Variants in DIDO1 observed in about 807,000 individuals in gnomAD.
The protein encoded by DIDO1 is death inducer-obliterator 1, also known as death-inducer obliterator 1.
Under a neutral mutation model 99.4 loss-of-function variants are expected in DIDO1, and 16 were observed. That is an observed-to-expected ratio of 0.16 (90% confidence interval 0.11 to 0.24). The LOEUF is 0.24. Among genes scored for constraint, DIDO1 ranks in the 10% least tolerant of loss-of-function variants. DIDO1 has a pLI of 1.00. For missense variants in DIDO1, 2,996 were observed against 3,014.0 expected (o/e 0.99, Z 0.14); for synonymous variants, 1,366 against 1,239.1 (o/e 1.10, Z -2.15).
chr20:62,919,774 T>C (rs1327324481), intron 1 of DIDO1, among the ~76,000 whole-genome samples: 1 of 152,230 alleles, frequency 6.6e-6, no homozygotes, highest in East Asian at 1.9e-4. Flanking sequence ...CATGTGAGCT[T>C]GCAACAATCC....
chr20:62,895,582 T>C (rs2064501178), intron 8 of DIDO1, among the ~76,000 whole-genome samples: 1 of 152,226 alleles, frequency 6.6e-6, no homozygotes, highest in South Asian at 2.1e-4. Context: ...GGCTGTTCAA[T>C]GGTGAGATGC....
chr20:62,894,758 T>C lies in DIDO1; in HGVS notation c.2436+52A>G. 3 of 1,559,914 alleles carry C rather than the reference T, an allele frequency of 1.9e-6. No homozygotes were observed. Among genetic ancestry groups the C allele is most frequent in the Non-Finnish European group, 2.6e-6 (3 of 1,146,514 alleles). On this transcript the variant is annotated intron_variant, in intron 10 of 15. Transcript: ENST00000395343. This position sits in a 1 kb window ranked among gnomAD's most constrained non-coding sequence, Gnocchi z 4.4. ...ATAATTTAAGATAACCTCAAAACAT[T>C]TGGGATGGATTAGTCTATTCTCGGT...
rs987751590 is a variant in DIDO1 at position 62,894,329 on chromosome 20, G to A, written c.2572+84C>T. 14 of 1,586,108 alleles carry A rather than the reference G, an allele frequency of 8.8e-6. No homozygotes were observed. In the South Asian group the frequency reaches 1.0e-4, roughly 11 times the overall value. ...CTTCTGCGTGTTTAAGCTTACGTGC[G>A]GTTGCTTTTAGGAGGTTCAGTGATT... On this transcript the variant is annotated intron_variant, in intron 11 of 15. Coordinates refer to ENST00000395343, the MANE Select transcript of DIDO1 (RefSeq NM_001193369.2). This position sits in a 1 kb window ranked among gnomAD's most constrained non-coding sequence, Gnocchi z 4.4.
chr20:62,922,243 T>TATATAC (rs2065168639), intron 1 of DIDO1, among the ~76,000 whole-genome samples: 2 of 114,300 alleles, frequency 1.7e-5, no homozygotes, highest in African/African-American at 6.1e-5. Flanking sequence ...TATATATATA[T>TATATAC]ACACACACAC....
intron 1 of DIDO1, among the ~76,000 whole-genome samples, chr20:62,923,185 A>T (rs527981573): frequency 3.5e-4 from 52 of 149,080 alleles, no homozygotes; most frequent in South Asian, 4.3e-4. Context: ...AATTATTATT[A>T]TTTTTTTTTT....
rs370962513 is a variant in DIDO1, at chr20:62,896,488, C to T, written c.2054+43G>A. 1.5e-4 allele frequency: 232 copies of T among 1,580,474 alleles called. No homozygotes were observed. The highest frequency in any genetic ancestry group is 1.8e-4 in the Non-Finnish European group (213 of 1,166,166). ...TCCTGCAGCCACACTCTAATGAAAG[C>T]CCTTCCATTTTAATGGGTAAGAAAT... is the stretch of plus-strand genomic sequence containing the variant. On this transcript the variant is annotated intron_variant, in intron 7 of 15. Coordinates refer to ENST00000395343, the MANE Select transcript of DIDO1 (RefSeq NM_001193369.2). This position sits in a 1 kb window ranked among gnomAD's most constrained non-coding sequence, Gnocchi z 4.4.
rs778673292 is a variant in DIDO1 at position 62,911,191 on chromosome 20, T to C, written c.422A>G (p.Lys141Arg). 1 of 1,613,928 alleles carries C rather than the reference T, an allele frequency of 6.2e-7. No individual in the cohort carries two copies. The highest frequency in any genetic ancestry group is 2.2e-5 in the East Asian group (1 of 44,880). The change falls in exon 3 of 16, where the codon AAG (lysine) becomes AGG (arginine). Residue 141 changes from lysine (K) to arginine (R), a missense_variant. Physicochemically the swap from Lys to Arg is conservative, Grantham distance 26. Transcript: ENST00000395343. This position sits in a 1 kb window ranked among gnomAD's most constrained non-coding sequence, Gnocchi z 7.0. ...ATCGTGGTCATCCCCTCCTTTCACCTTTTCAGAAGAGGCTGGTCGTTCCTT... is the reference window on the plus strand; with the variant it reads ...ATCGTGGTCATCCCCTCCTTTCACCCTTTCAGAAGAGGCTGGTCGTTCCTT... ...AVKERPASSE[K>R]VKGGDDHDDT...
In DIDO1 at chr20:62,911,571, C is replaced by T. The variant is rs370768075; in HGVS notation, c.42G>A (p.Lys14=). Residue 14 remains lysine (K), a synonymous_variant, in exon 3 of 16, where the codon AAG becomes AAA. Coordinates refer to ENST00000395343, the MANE Select transcript of DIDO1 (RefSeq NM_001193369.2). This position sits in a 1 kb window ranked among gnomAD's most constrained non-coding sequence, Gnocchi z 7.0. The part of the protein sequence containing the change: ...KGDPSNEEAP[K]AIKPTSKEFR... ...ACTCTTTGCTGGTGGGTTTGATGGC[C>T]TTAGGTGCCTCCTCATTGCTCGGGT... 2 of 1,605,104 alleles carry T rather than the reference C, an allele frequency of 1.2e-6. No individual in the cohort carries two copies. The highest frequency in any genetic ancestry group is 1.7e-6 in the Non-Finnish European group (2 of 1,175,274).
At chr20:62,920,882 T>C (rs1009986479) in intron 1 of DIDO1, among the ~76,000 whole-genome samples, 4 of 152,226 alleles carry the variant, frequency 2.6e-5, no homozygotes, top group African/African-American at 9.6e-5. Context: ...TATGTTAATA[T>C]ATAATGGTTT....
chr20:62,917,894 C>T (rs2065067777), intron 1 of DIDO1, among the ~76,000 whole-genome samples: 1 of 152,194 alleles, frequency 6.6e-6, no homozygotes. Flanking sequence ...GTCATCTTTA[C>T]CTCTTAGCCC....
In DIDO1 at chr20:62,884,823, C is replaced by A. The variant is rs540128229; in HGVS notation, c.3542-2409G>T. Among the ~76,000 whole-genome samples the A allele has an allele frequency of 1.1e-3, 169 of 152,254 alleles. 1 individual carries two copies. Among genetic ancestry groups the A allele is most frequent in the Non-Finnish European group, 2.0e-3 (135 of 68,022 alleles). On this transcript the variant is annotated intron_variant, in intron 15 of 15. Coordinates refer to ENST00000395343, the MANE Select transcript of DIDO1 (RefSeq NM_001193369.2). The stretch of plus-strand genomic sequence containing the variant: ...CCTCCACCTCCTCTTCACTCTCTGT[C>A]CCCCGGATAGTAGCACGGTGCCAGT...
At position 62,911,524 on chromosome 20, in the gene DIDO1, C is replaced by T. The variant is rs758688330; in HGVS notation, c.89G>A (p.Arg30Gln). 5 of 1,612,590 alleles carry T rather than the reference C, an allele frequency of 3.1e-6. No individual in the cohort carries two copies. The highest frequency in any genetic ancestry group is 2.5e-6 in the Non-Finnish European group (3 of 1,179,330). The change falls in exon 3 of 16, where the codon CGA becomes CAA. Residue 30 changes from arginine (R) to glutamine (Q), a missense_variant. This residue lies in a region of DIDO1 where 388 missense variants were observed against 376.6 expected (regional missense o/e 1.03). Transcript: ENST00000395343. This position sits in a 1 kb window ranked among gnomAD's most constrained non-coding sequence, Gnocchi z 7.0. Reference sequence around the variant, plus strand: ...CTCTCGCTTGGCGATAGTGGTCCTTCGAAAACCCCATGTTTTCCTGAACTC... The same window carrying T: ...CTCTCGCTTGGCGATAGTGGTCCTTTGAAAACCCCATGTTTTCCTGAACTC... ...SKEFRKTWGF[R>Q]RTTIAKREGA...
intron 1 of DIDO1, among the ~76,000 whole-genome samples, chr20:62,923,183 T>C (rs550233015): frequency 6.6e-6 from 1 of 151,834 alleles, no homozygotes; most frequent in Non-Finnish European, 1.5e-5. Flanking sequence ...CTAATTATTA[T>C]TATTTTTTTT....
chr20:62,915,038 G>A lies in DIDO1; in HGVS notation c.-199-632C>T, dbSNP rs182684786. On this transcript the variant is annotated intron_variant, in intron 1 of 15. Transcript: ENST00000395343. The stretch of plus-strand genomic sequence containing the variant: ...GTTCCAGGTGCCGAGTTTCTAGCTA[G>A]GTCCTTGCCCCAAAGCCGACACTTC... Among the ~76,000 whole-genome samples the A allele has an allele frequency of 5.3e-5, 8 of 152,256 alleles. No homozygotes were observed. In the East Asian group the frequency reaches 1.3e-3, roughly 26 times the overall value.
At chr20:62,926,845 GA>G (rs1467281821), upstream of DIDO1, among the ~76,000 whole-genome samples, 1 of 152,238 alleles carries the variant, frequency 6.6e-6, no homozygotes, top group African/African-American at 2.4e-5. Flanking sequence ...TCTTAAGACC[GA>G]TAAACCCTTC....
rs372954298 is a variant in DIDO1 at position 62,906,132 on chromosome 20, A to G, written c.1375-32T>C. The G allele has an allele frequency of 3.2e-6, 5 of 1,587,152 alleles. No homozygotes were observed. The African/African-American group carries it at 6.8e-5, about 22-fold the overall frequency. The stretch of plus-strand genomic sequence containing the variant: ...AATCAGTAAAACCCCAAATCATTAA[A>G]AAGGTAAGAAATCATACCTTCACTT... On this transcript the variant is annotated intron_variant, in intron 5 of 15. Transcript: ENST00000395343.
At chr20:62,920,151 C>A (rs1027226754) in intron 1 of DIDO1, among the ~76,000 whole-genome samples, 1 of 152,206 alleles carries the variant, frequency 6.6e-6, no homozygotes, top group Non-Finnish European at 1.5e-5. Flanking sequence ...ATGAAGAAAT[C>A]CACCTCATGC....
chr20:62,890,920 G>A (rs370247067), intron 15 of DIDO1, 40 bp downstream of exon 15: 85 of 1,612,324 alleles, frequency 5.3e-5, no homozygotes, highest in Non-Finnish European at 6.2e-5. Flanking sequence ...GGGTGCAGGT[G>A]CAGGTGGGCC....
In DIDO1 at chr20:62,880,929, T is replaced by A. The variant is rs1238870690; in HGVS notation, c.5027A>T (p.His1676Leu). 1.9e-6 allele frequency: 3 copies of A among 1,609,446 alleles called. No homozygotes were observed. Among genetic ancestry groups the A allele is most frequent in the Non-Finnish European group, 2.5e-6 (3 of 1,179,828 alleles). Reference sequence around the variant, plus strand: ...GGTGAAAGGGTCCCTCTCACCGTCGTGCTGCAGCGGGAAGCCGGGCTGCAG... The same window carrying A: ...GGTGAAAGGGTCCCTCTCACCGTCGAGCTGCAGCGGGAAGCCGGGCTGCAG... The part of the protein sequence containing the change: ...GALQPGFPLQ[H>L]DGERDPFTCP... Residue 1676 changes from histidine to leucine, a missense_variant, in exon 16 of 16, where the codon CAC (histidine) becomes CTC (leucine). Around this residue, in one of 5 missense-constraint regions of DIDO1, gnomAD observed 1,562 missense variants for 1,412.6 expected, o/e 1.11. Transcript: ENST00000395343.
Sources: gnomAD v4.1 joint callset for allele counts (sites outside exome capture counted in the v4.1 genomes callset) on GRCh38, gnomAD v4.1.1 for gene constraint, gnomAD v4.1.1 regional missense constraint, Gnocchi (gnomAD v3.1) non-coding constraint, MANE v1.5 for transcripts, NCBI Gene and HGNC (gene_info 2026-07-23, HGNC 2026-07-21) for gene names.